WDFY4: variants seen among roughly 807,000 people sequenced by gnomAD.
WDFY4 encodes WDFY family member 4.
Under a neutral mutation model 351.9 loss-of-function variants are expected in WDFY4, and 169 were observed. The observed-to-expected ratio is 0.48, with a 90% CI of 0.42 to 0.55. The LOEUF (loss-of-function observed/expected upper bound fraction) is 0.55. Among genes scored for constraint, WDFY4 ranks in the 20% least tolerant of loss-of-function variants. The probability of loss-of-function intolerance (pLI) is 0.00; values close to 1 mark genes in which losing one functional copy is unlikely to be tolerated. For missense variants in WDFY4, 3,803 were observed against 3,935.6 expected (o/e 0.97, Z 0.90); for synonymous variants, 1,622 against 1,574.6 (o/e 1.03, Z -0.71).
chr10:48,777,005 T>C lies in WDFY4; in HGVS notation c.3098+21T>C, dbSNP rs1226129734. Reference sequence around the variant, plus strand: ...TATGGGTATGACAGGCTTTCACATATTTAAAATGCACTTTATTAATTTTGC... The same window carrying C: ...TATGGGTATGACAGGCTTTCACATACTTAAAATGCACTTTATTAATTTTGC... On this transcript the variant is annotated intron_variant, in intron 16 of 61. Transcript: ENST00000325239. 84 of 1,538,114 alleles carry C rather than the reference T, an allele frequency of 5.5e-5. 1 individual carries two copies. In the East Asian group the frequency reaches 2.1e-3, roughly 38 times the overall value.
At chr10:48,944,357 G>A (rs181151005) in intron 49 of WDFY4, among the ~76,000 whole-genome samples, 9 of 152,322 alleles carry the variant, frequency 5.9e-5, no homozygotes, top group African/African-American at 1.4e-4. Context: ...GCACCCCTGC[G>A]CCCCAGCAGG....
intron 59 of WDFY4, among the ~76,000 whole-genome samples, chr10:48,977,618 C>CCACCA (rs1842632761): frequency 6.6e-6 from 1 of 152,224 alleles, no homozygotes; most frequent in African/African-American, 2.4e-5. Context: ...CATCAGTGGG[C>CCACCA]CAGCCAGAGG....
intron 39 of WDFY4, among the ~76,000 whole-genome samples, chr10:48,853,563 G>T (rs981299616): frequency 5.3e-5 from 8 of 152,188 alleles, no homozygotes; most frequent in Admixed American, 5.2e-4. Context: ...TCCTAAGAGA[G>T]TGCCTTGCTT....
At chr10:48,907,937 CA>C (rs1837704768) in intron 47 of WDFY4, among the ~76,000 whole-genome samples, 1 of 152,200 alleles carries the variant, frequency 6.6e-6, no homozygotes, top group South Asian at 2.1e-4. Context: ...GCTGCAGACT[CA>C]AAATGAGAGT....
At chr10:48,966,402 C>A in intron 54 of WDFY4, 124 bp from the exon 55 acceptor site, 2 of 1,072,212 alleles carry the variant, frequency 1.9e-6, no homozygotes, top group Non-Finnish European at 2.6e-6. Flanking sequence ...TCATGTTCAG[C>A]TCTGTCAGGA....
At chr10:48,942,246 T>C (rs1003756810) in intron 48 of WDFY4, among the ~76,000 whole-genome samples, 2 of 152,198 alleles carry the variant, frequency 1.3e-5, no homozygotes, top group Non-Finnish European at 1.5e-5. Flanking sequence ...ATTACAGGCA[T>C]GAGCCACTGT....
intron 12 of WDFY4, among the ~76,000 whole-genome samples, chr10:48,755,037 A>G (rs1281395596): frequency 6.6e-6 from 1 of 152,192 alleles, no homozygotes; most frequent in Non-Finnish European, 1.5e-5. Context: ...ATCAAGAAAC[A>G]GAACAGTCTC....
In WDFY4 at chr10:48,901,935, C is replaced by T; in HGVS notation, c.7586+72C>T. The stretch of plus-strand genomic sequence containing the variant: ...TTGATGTTCCTCCTCTGCCTCATCC[C>T]ACTCTAAAGAAGTCTTGCAGAGAGC... On this transcript the variant is annotated intron_variant, in intron 47 of 61. Coordinates refer to ENST00000325239, the MANE Select transcript of WDFY4 (RefSeq NM_001394531.1). The T allele has an allele frequency of 2.2e-6, 3 of 1,391,386 alleles. 1 individual carries two copies. The South Asian group carries it at 3.7e-5, about 17-fold the overall frequency. 86.2% of individuals were successfully genotyped at this position (1,391,386 alleles called of 1,614,324 possible). A position where few individuals can be genotyped will look rare whatever the true frequency, so the allele number is the denominator to read the frequency against.
intron 47 of WDFY4, chr10:48,910,373 A>G: frequency 1.1e-6 from 1 of 890,982 alleles, no homozygotes; most frequent in East Asian, 2.4e-5. Context: ...CAGGATGGTC[A>G]GGTTAGTGTG....
chr10:48,942,140 T>C (rs933894595), intron 48 of WDFY4, among the ~76,000 whole-genome samples: 1 of 152,090 alleles, frequency 6.6e-6, no homozygotes, highest in Non-Finnish European at 1.5e-5. Flanking sequence ...AATTTTTGTA[T>C]TTTTAGTAGA....
intron 1 of WDFY4, among the ~76,000 whole-genome samples, chr10:48,688,911 G>A (rs1376380014): frequency 6.6e-6 from 1 of 152,218 alleles, no homozygotes; most frequent in Non-Finnish European, 1.5e-5. Context: ...CACCTACTGA[G>A]CTGGCTTGAG....
intron 58 of WDFY4, chr10:48,975,259 G>T: frequency 1.5e-6 from 1 of 678,428 alleles, no homozygotes; most frequent in Non-Finnish European, 2.5e-6. Flanking sequence ...GTTGGGGACA[G>T]TGGGAAGTGT....
Position 48,973,160 on chromosome 10 carries a change from T to A in WDFY4, c.8929-1702T>A, listed in dbSNP as rs149360386. On this transcript the variant is annotated intron_variant, in intron 57 of 61. Transcript: ENST00000325239. ...TGCCGGCACTGGGGCTCAGAGCTCCTCTCTACATCCTGAGCCTTACACCTG... is the reference window on the plus strand; with the variant it reads ...TGCCGGCACTGGGGCTCAGAGCTCCACTCTACATCCTGAGCCTTACACCTG... Among the ~76,000 whole-genome samples, 739 of 152,312 alleles carry A rather than the reference T, an allele frequency of 4.9e-3. 6 individuals are homozygous for A. Among genetic ancestry groups the A allele is most frequent in the African/African-American group, 0.017 (708 of 41,564 alleles).
At chr10:48,916,383 T>C (rs577571412) in intron 47 of WDFY4, among the ~76,000 whole-genome samples, 16 of 152,204 alleles carry the variant, frequency 1.1e-4, no homozygotes, top group Non-Finnish European at 2.4e-4. Context: ...TGTTTGTTTG[T>C]TTGTTTGCTT....
chr10:48,743,602 C>T (rs2064923107), intron 12 of WDFY4, 54 bp downstream of exon 12: 1 of 1,489,774 alleles, frequency 6.7e-7, no homozygotes, highest in Non-Finnish European at 8.9e-7. Context: ...CATTCTCACT[C>T]TAACGTCTTG....
intron 40 of WDFY4, among the ~76,000 whole-genome samples, chr10:48,870,876 A>G (rs1193987255): frequency 6.6e-6 from 1 of 152,110 alleles, no homozygotes; most frequent in Non-Finnish European, 1.5e-5. Flanking sequence ...GTGCTCTGTG[A>G]TGAAGACCCA....
intron 49 of WDFY4, among the ~76,000 whole-genome samples, chr10:48,943,877 G>A (rs1192050419): frequency 6.6e-6 from 1 of 152,232 alleles, no homozygotes; most frequent in African/African-American, 2.4e-5. Flanking sequence ...TTACAGGCAT[G>A]AGCCACTGTG....
chr10:48,972,514 T>C (rs1452772512), intron 57 of WDFY4, among the ~76,000 whole-genome samples: 1 of 152,252 alleles, frequency 6.6e-6, no homozygotes, highest in African/African-American at 2.4e-5. Context: ...TACATTTCAA[T>C]CGTTCCATAT....
intron 12 of WDFY4, among the ~76,000 whole-genome samples, chr10:48,758,195 G>A (rs967668444): frequency 5.3e-5 from 8 of 152,096 alleles, no homozygotes; most frequent in Non-Finnish European, 8.8e-5. Flanking sequence ...GGAAGCATGT[G>A]GATATGGAAT....
Sources: gnomAD v4.1 joint callset for allele counts (sites outside exome capture counted in the v4.1 genomes callset) on GRCh38, gnomAD v4.1.1 for gene constraint, MANE v1.5 for transcripts, NCBI Gene and HGNC (gene_info 2026-07-23, HGNC 2026-07-21) for gene names.